FNTB: variants seen among roughly 807,000 people sequenced by gnomAD.
The protein encoded by FNTB is farnesyltransferase, CAAX box, subunit beta.
A neutral mutation model predicts 59.4 loss-of-function variants in FNTB; 27 were observed. The observed-to-expected ratio is 0.45, with a 90% CI of 0.34 to 0.63. FNTB has a LOEUF of 0.63. Among genes scored for constraint, FNTB ranks in the 20% least tolerant of loss-of-function variants. The pLI, the probability that FNTB is intolerant of heterozygous loss-of-function variation, is 0.02. For synonymous variants in FNTB, 230 were observed against 220.7 expected (o/e 1.04, Z -0.37); for missense variants, 449 against 559.6 (o/e 0.80, Z 1.99).
intron 9 of FNTB, among the ~76,000 whole-genome samples, chr14:65,045,810 T>A (rs1181224538): frequency 6.6e-6 from 1 of 152,128 alleles, no homozygotes; most frequent in Non-Finnish European, 1.5e-5. Flanking sequence ...CTCTGTCCCA[T>A]TTTCCCGGCC....
rs1043698792 is a variant in FNTB at position 65,023,566 on chromosome 14, A to G, written c.375-3887A>G. ...AATGTTCTATATTCTGTAAATGTCT[A>G]TAGGTGTCTATAAACATCTATACGT... On this transcript the variant is annotated intron_variant, in intron 4 of 11. Transcript: ENST00000246166. This position sits in a 1 kb window ranked among gnomAD's most constrained non-coding sequence, Gnocchi z 4.1. 1.3e-5 allele frequency among the ~76,000 whole-genome samples: 2 copies of G among 152,218 alleles called. No homozygotes were observed. The highest frequency in any genetic ancestry group is 2.9e-5 in the Non-Finnish European group (2 of 68,028).
chr14:65,058,891 T>G (rs1041333911), intron 11 of FNTB, among the ~76,000 whole-genome samples: 1 of 152,210 alleles, frequency 6.6e-6, no homozygotes, highest in African/African-American at 2.4e-5. Flanking sequence ...TTATTTAGGA[T>G]TTTTTTGCAT....
At position 64,986,990 on chromosome 14, in the gene FNTB, C is replaced by T. The variant is rs1329044428; in HGVS notation, c.37C>T (p.Pro13Ser). 9.9e-6 allele frequency: 16 copies of T among 1,614,254 alleles called. No individual in the cohort carries two copies. Among genetic ancestry groups the T allele is most frequent in the Non-Finnish European group, 1.4e-5 (16 of 1,180,042 alleles). The change falls in exon 1 of 12, where the codon CCA (proline) becomes TCA (serine). Residue 13 changes from proline to serine, a missense_variant. By Grantham distance (74) the Pro-to-Ser change is moderately conservative (BLOSUM62 -1). Transcript: ENST00000246166. Reference sequence around the variant, plus strand: ...GAGTTCTTTCACCTACTATTGCCCTCCATCTTCCTCCCCCGTCTGGTCAGA... The same window carrying T: ...GAGTTCTTTCACCTACTATTGCCCTTCATCTTCCTCCCCCGTCTGGTCAGA... ...SPSSFTYYCPPSSSPVWSEPL... is the reference protein window; with the variant it reads ...SPSSFTYYCPSSSSPVWSEPL...
In FNTB at chr14:65,027,517, T is replaced by C. The variant is rs753782776; in HGVS notation, c.439T>C (p.Tyr147His). 5 of 1,614,110 alleles carry C rather than the reference T, an allele frequency of 3.1e-6. No individual in the cohort carries two copies. In the East Asian group the frequency reaches 1.1e-4, roughly 36 times the overall value. Residue 147 changes from tyrosine to histidine, a missense_variant, in exon 5 of 12, where the codon TAT becomes CAT. Coordinates refer to ENST00000246166, the MANE Select transcript of FNTB (RefSeq NM_002028.4). This position sits in a 1 kb window ranked among gnomAD's most constrained non-coding sequence, Gnocchi z 5.7. ...EGGFGGGPGQYPHLAPTYAAV... is the reference protein window; with the variant it reads ...EGGFGGGPGQHPHLAPTYAAV... Reference sequence around the variant, plus strand: ...TGGCTTTGGAGGAGGACCCGGTCAGTATCCACACCTTGCACCCACATATGC... The same window carrying C: ...TGGCTTTGGAGGAGGACCCGGTCAGCATCCACACCTTGCACCCACATATGC...
At chr14:64,996,452 G>A (rs374928281) in intron 1 of FNTB, among the ~76,000 whole-genome samples, 1 of 152,216 alleles carries the variant, frequency 6.6e-6, no homozygotes, top group African/African-American at 2.4e-5. Context: ...GGTGAGAGAG[G>A]TACTGTTAGG....
In FNTB at chr14:65,031,979, CGTGTGT is replaced by C. The variant is rs563468928; in HGVS notation, c.606-596_606-591del. Among the ~76,000 whole-genome samples, 13,456 of 141,232 alleles carry C rather than the reference CGTGTGT, an allele frequency of 0.095. 769 individuals carry two copies. The highest frequency in any genetic ancestry group is 0.17 in the Admixed American group (2,367 of 14,166). 92.7% of individuals were successfully genotyped at this position (141,232 alleles called of 152,430 possible). A position where few individuals can be genotyped will look rare whatever the true frequency, so the allele number is the denominator to read the frequency against. On this transcript the variant is annotated intron_variant, in intron 6 of 11. Coordinates refer to ENST00000246166, the MANE Select transcript of FNTB (RefSeq NM_002028.4). This position sits in a 1 kb window ranked among gnomAD's most constrained non-coding sequence, Gnocchi z 4.6. Reference sequence around the variant, plus strand: ...ATAGACGTGCGCCTTTTTCATTTAACGTGTGTGTGTGTGTGTGTGTGTGTGTGTGTG... The same window carrying C: ...ATAGACGTGCGCCTTTTTCATTTAACGTGTGTGTGTGTGTGTGTGTGTGTG...
At chr14:65,049,756 G>A (rs2062565130) in intron 9 of FNTB, among the ~76,000 whole-genome samples, 1 of 152,062 alleles carries the variant, frequency 6.6e-6, no homozygotes, top group African/African-American at 2.4e-5. Flanking sequence ...GTGTAATGCA[G>A]TTTCCTAAAG....
chr14:65,035,024 C>T (rs2062157697), intron 7 of FNTB, among the ~76,000 whole-genome samples: 1 of 152,250 alleles, frequency 6.6e-6, no homozygotes, highest in South Asian at 2.1e-4. Context: ...TTAGAAGTTG[C>T]TTTGTTTCCC....
chr14:65,061,017 CTAGA>C (rs774318033), intron 11 of FNTB, among the ~76,000 whole-genome samples, 160 bp from the exon 12 acceptor site: 19 of 151,766 alleles, frequency 1.3e-4, no homozygotes, highest in Non-Finnish European at 2.1e-4. Flanking sequence ...GTCCCATGTA[CTAGA>C]TAGTTTTAGC....
intron 7 of FNTB, among the ~76,000 whole-genome samples, chr14:65,037,597 T>C (rs893584050): frequency 6.7e-6 from 1 of 149,180 alleles, no homozygotes; most frequent in Non-Finnish European, 1.5e-5. Flanking sequence ...GCTAATTTTT[T>C]AAATTTTTGT....
intron 9 of FNTB, among the ~76,000 whole-genome samples, chr14:65,051,512 G>C (rs2062609767): frequency 6.6e-6 from 1 of 151,906 alleles, no homozygotes. Context: ...TCGGGAGGCT[G>C]AGGCAGGACA....
At position 64,990,279 on chromosome 14, in the gene FNTB, G is replaced by A. The variant is rs1196834653; in HGVS notation, c.144+3182G>A. ...ACTTGGCCCTTTTCTAGCCTGCTCT[G>A]TAGATGTGCCCCAGGAGGGGGCCCT... On this transcript the variant is annotated intron_variant, in intron 1 of 11. Coordinates refer to ENST00000246166, the MANE Select transcript of FNTB (RefSeq NM_002028.4). The surrounding 1 kb of genome is among the most constrained non-coding windows in gnomAD (Gnocchi z 5.2). 1.3e-5 allele frequency among the ~76,000 whole-genome samples: 2 copies of A among 152,178 alleles called. No homozygotes were observed. Among genetic ancestry groups the A allele is most frequent in the African/African-American group, 4.8e-5 (2 of 41,430 alleles).
intron 1 of FNTB, among the ~76,000 whole-genome samples, chr14:64,992,546 A>G (rs1888240531): frequency 6.6e-6 from 1 of 152,220 alleles, no homozygotes; most frequent in African/African-American, 2.4e-5. Flanking sequence ...TTCTTGAGAT[A>G]CATCGTTTTT....
At chr14:64,987,131 G>T (rs932410042) in intron 1 of FNTB, 34 bp downstream of exon 1, 4 of 1,612,712 alleles carry the variant, frequency 2.5e-6, no homozygotes, top group Non-Finnish European at 3.4e-6. Flanking sequence ...GCGCCCGCGC[G>T]ATGTGTTCTG....
chr14:65,056,423 G>A (rs1056435046), intron 11 of FNTB, among the ~76,000 whole-genome samples: 2 of 152,140 alleles, frequency 1.3e-5, no homozygotes, highest in Non-Finnish European at 2.9e-5. Flanking sequence ...GGGTTGAAGG[G>A]GACACATATT....
intron 3 of FNTB, among the ~76,000 whole-genome samples, chr14:65,013,356 G>A (rs376745099): frequency 6.0e-5 from 9 of 150,678 alleles, no homozygotes; most frequent in East Asian, 1.9e-4. Flanking sequence ...AAATGAAGCC[G>A]GAAATCACGT....
chr14:65,035,285 G>A (rs2062163500), intron 7 of FNTB, among the ~76,000 whole-genome samples: 2 of 152,092 alleles, frequency 1.3e-5, no homozygotes, highest in African/African-American at 4.8e-5. Flanking sequence ...GGGAAGGGAG[G>A]GACTAACTGC....
At chr14:65,033,431 G>A (rs12434868) in intron 7 of FNTB, among the ~76,000 whole-genome samples, 11,276 of 152,262 alleles carry the variant, frequency 0.074, 627 homozygotes, top group East Asian at 0.28. Context: ...CTGCATAGGA[G>A]ACTTCAGCTG....
Position 64,986,901 on chromosome 14 carries a change from C to G in FNTB, c.-53C>G. The G allele has an allele frequency of 3.7e-6, 6 of 1,604,534 alleles. No homozygotes were observed. The highest frequency in any genetic ancestry group is 3.3e-5 in the Admixed American group (2 of 59,954). ...TTTAGCCCGCTCGAGTTTCAATGCG[C>G]GTTGTTGCTTAACGAAGCAGAGTCC... is the stretch of plus-strand genomic sequence containing the variant. On this transcript the variant is annotated 5_prime_UTR_variant, in exon 1 of 12. Transcript: ENST00000246166.
Sources: gnomAD v4.1 joint callset for allele counts (sites outside exome capture counted in the v4.1 genomes callset) on GRCh38, gnomAD v4.1.1 for gene constraint, Gnocchi (gnomAD v3.1) non-coding constraint, MANE v1.5 for transcripts, NCBI Gene and HGNC (gene_info 2026-07-23, HGNC 2026-07-21) for gene names.